Variants in USP40 observed in about 807,000 individuals in gnomAD.
The protein encoded by USP40 is ubiquitin specific peptidase 40.
USP40 carries 143 observed loss-of-function variants against 166.2 expected under a neutral mutation model. The ratio of observed to expected loss-of-function variants is 0.86; its 90% CI spans 0.75 to 0.99. The LOEUF is 0.99. Ranked by LOEUF, USP40 falls within the 50% of genes least tolerant of loss-of-function variation. The pLI, the probability that USP40 is intolerant of heterozygous loss-of-function variation, is 0.00. For missense variants in USP40, 1,444 were observed against 1,479.7 expected, an observed-to-expected ratio of 0.98 and a Z score of 0.40; for synonymous variants, 498 against 524.0, an observed-to-expected ratio of 0.95 and a Z score of 0.68.
Position 233,523,249 on chromosome 2 carries a change from C to A in USP40, c.2122G>T (p.Asp708Tyr). 1 of 1,613,998 alleles carries A rather than the reference C, an allele frequency of 6.2e-7. No homozygotes were observed. Among genetic ancestry groups the A allele is most frequent in the Non-Finnish European group, 8.5e-7 (1 of 1,179,874 alleles). ...TGCTCCCTGAACGTCTTCCTCATGTCTTCCTTGGGGATGGCCGTCCAACCC... is the reference window on the plus strand; with the variant it reads ...TGCTCCCTGAACGTCTTCCTCATGTATTCCTTGGGGATGGCCGTCCAACCC... Reference protein sequence around the residue: ...GEGWTAIPKEDMRKTFREQGL... With the variant: ...GEGWTAIPKEYMRKTFREQGL... The change falls in exon 16 of 32, where the codon GAC becomes TAC. Residue 708 changes from aspartate to tyrosine, a missense_variant. Asp to Tyr is a radical substitution (Grantham distance 160). Transcript: ENST00000678225.
At position 233,512,394 on chromosome 2, in the gene USP40, G is replaced by C. The variant is rs527293503; in HGVS notation, c.2437+175C>G. 8.0e-6 allele frequency: 3 copies of C among 374,816 alleles called. No individual in the cohort carries two copies. The Admixed American group carries it at 1.4e-4, about 17-fold the overall frequency. The allele number at this position is 374,816 out of a possible 1,614,324, so 23.2% of individuals were successfully genotyped here. On this transcript the variant is annotated intron_variant, in intron 19 of 31. Transcript: ENST00000678225. ...GGTGTTTCATTTAGAAAACAGAAGT[G>C]TTTGTTTCTGGTTAAGGATTTCTGC... is the stretch of plus-strand genomic sequence containing the variant.
chr2:233,494,660 A>C (rs1317024592), intron 24 of USP40, among the ~76,000 whole-genome samples: 1 of 151,666 alleles, frequency 6.6e-6, no homozygotes, highest in Non-Finnish European at 1.5e-5. Flanking sequence ...TAAGCCCAGG[A>C]GTTCAAGATC....
intron 8 of USP40, chr2:233,546,828 G>C (rs867774331): frequency 2.0e-5 from 3 of 152,176 alleles, no homozygotes; most frequent in South Asian, 2.1e-4. Flanking sequence ...TCTCTACTGT[G>C]GGAAACTAAA....
Position 233,510,123 on chromosome 2 carries a change from A to T in USP40, c.2539T>A (p.Phe847Ile). 1 of 1,602,294 alleles carries T rather than the reference A, an allele frequency of 6.2e-7. No homozygotes were observed. The highest frequency in any genetic ancestry group is 8.5e-7 in the Non-Finnish European group (1 of 1,173,626). The stretch of plus-strand genomic sequence containing the variant: ...GGTTGAACGTCACTCCCCATTGCAA[A>T]AAACAGGAACAACTAATAACAAGAC... ...APSSSQLFLF[F>I]AMGSDVQPGT... Residue 847 changes from phenylalanine (F) to isoleucine (I), a missense_variant, in exon 21 of 32, where the codon TTT becomes ATT. Phe to Ile is a conservative substitution (Grantham distance 21). Transcript: ENST00000678225.
chr2:233,485,893 C>T lies in USP40; in HGVS notation c.3282G>A (p.Ala1094=), dbSNP rs777215314. Residue 1094 remains alanine (A), a synonymous_variant, in exon 29 of 32, where the codon GCG becomes GCA. Coordinates refer to ENST00000678225, the MANE Select transcript of USP40 (RefSeq NM_001365479.2). ...GGGAGCCGGCAGTCCCACCCTGGGC[C>T]GCGTTCCACACCAGGTCCAGGGCAG... ...YAPALDLVWN[A]AQGGTAGSLR... 2.6e-5 allele frequency: 42 copies of T among 1,604,036 alleles called. No individual in the cohort carries two copies. Among genetic ancestry groups the T allele is most frequent in the South Asian group, 1.1e-4 (10 of 88,730 alleles).
At chr2:233,539,616 T>C (rs1249569954) in intron 10 of USP40, among the ~76,000 whole-genome samples, 2 of 151,976 alleles carry the variant, frequency 1.3e-5, no homozygotes, top group African/African-American at 4.8e-5. Flanking sequence ...TTCAACAATA[T>C]AACTATAATC....
chr2:233,547,845 T>C (rs1175458472), intron 8 of USP40, among the ~76,000 whole-genome samples: 3 of 152,226 alleles, frequency 2.0e-5, no homozygotes, highest in Admixed American at 2.0e-4. Flanking sequence ...CACACATGTG[T>C]ATCTGTGAGA....
At chr2:233,502,955 A>C (rs2066179426) in intron 21 of USP40, among the ~76,000 whole-genome samples, 1 of 152,088 alleles carries the variant, frequency 6.6e-6, no homozygotes. Flanking sequence ...CAACATAAGA[A>C]GACAAGAAAT....
intron 10 of USP40, among the ~76,000 whole-genome samples, chr2:233,534,298 G>A (rs1442103255): frequency 6.6e-6 from 1 of 152,146 alleles, no homozygotes; most frequent in African/African-American, 2.4e-5. Context: ...TCAAAGCATA[G>A]TAAGGGTTAA....
intron 2 of USP40, among the ~76,000 whole-genome samples, chr2:233,563,857 C>G (rs1024623402): frequency 1.3e-5 from 2 of 152,222 alleles, no homozygotes; most frequent in Admixed American, 1.3e-4. Flanking sequence ...GGAAGTTGGC[C>G]TGGGACTCTC....
At chr2:233,563,952 C>T (rs1041400348) in intron 2 of USP40, among the ~76,000 whole-genome samples, 1 of 152,214 alleles carries the variant, frequency 6.6e-6, no homozygotes, top group Non-Finnish European at 1.5e-5. Flanking sequence ...TACGTTTCTA[C>T]TTCGAGTTGT....
chr2:233,488,303 C>G lies in USP40; in HGVS notation c.3133G>C (p.Glu1045Gln). ...TCAATTCTCCGTCCTAGTTTATATT[C>G]CCTGATAATAAGTGAAACAAGATAA... ...LLRTDRQPLREYKLGRRIEIC... is the reference protein window; with the variant it reads ...LLRTDRQPLRQYKLGRRIEIC... Residue 1045 changes from glutamate to glutamine, a missense_variant and splice_region_variant, in exon 28 of 32, where the codon GAA (glutamate) becomes CAA (glutamine). By Grantham distance (29) the Glu-to-Gln change is conservative (BLOSUM62 2). Coordinates refer to ENST00000678225, the MANE Select transcript of USP40 (RefSeq NM_001365479.2). The G allele has an allele frequency of 6.3e-7, 1 of 1,594,820 alleles. No homozygotes were observed. The highest frequency in any genetic ancestry group is 8.6e-7 in the Non-Finnish European group (1 of 1,169,550).
intron 11 of USP40, among the ~76,000 whole-genome samples, chr2:233,532,420 G>A (rs543503370): frequency 2.6e-4 from 40 of 152,182 alleles, no homozygotes; most frequent in African/African-American, 9.4e-4. Flanking sequence ...GACTGATGGC[G>A]GGCTCCCAAT....
chr2:233,524,686 AATT>A (rs1316774523), intron 14 of USP40, 124 bp from the exon 15 acceptor site: 4 of 651,788 alleles, frequency 6.1e-6, no homozygotes. Flanking sequence ...AAAAAGTAGT[AATT>A]ATTTTTATTC....
At chr2:233,566,094 CT>C (rs915400217) in intron 1 of USP40, among the ~76,000 whole-genome samples, 12 of 140,458 alleles carry the variant, frequency 8.5e-5, no homozygotes, top group Non-Finnish European at 1.8e-4. Context: ...ATCAAGTTAA[CT>C]TTTTTTAGAG....
At chr2:233,554,033 C>G (rs2070824409) in intron 6 of USP40, among the ~76,000 whole-genome samples, 1 of 152,134 alleles carries the variant, frequency 6.6e-6, no homozygotes, top group African/African-American at 2.4e-5. Flanking sequence ...AGACAGCCAT[C>G]TACTTTCATA....
chr2:233,533,003 G>T (rs949100314), intron 11 of USP40, among the ~76,000 whole-genome samples: 4 of 151,526 alleles, frequency 2.6e-5, no homozygotes, highest in African/African-American at 9.7e-5. Flanking sequence ...GATATGAAAA[G>T]ATATAAATAA....
In USP40 at chr2:233,489,378, G is replaced by A. The variant is rs756167320; in HGVS notation, c.3118C>T (p.Arg1040Trp). The change falls in exon 27 of 32, where the codon CGG (arginine) becomes TGG (tryptophan). Residue 1040 changes from arginine to tryptophan, a missense_variant. Physicochemically the swap from Arg to Trp is moderately radical, Grantham distance 101 (BLOSUM62 -3). Coordinates refer to ENST00000678225, the MANE Select transcript of USP40 (RefSeq NM_001365479.2). ...CAAGGAACCTACCTGAGTGGCTGCCGGTCAGTTCGTAAAAGCCTGCCTGGG... is the reference window on the plus strand; with the variant it reads ...CAAGGAACCTACCTGAGTGGCTGCCAGTCAGTTCGTAAAAGCCTGCCTGGG... ...KRPGRLLRTDRQPLREYKLGR... is the reference protein window; with the variant it reads ...KRPGRLLRTDWQPLREYKLGR... 1.8e-5 allele frequency: 29 copies of A among 1,592,642 alleles called. No homozygotes were observed. The highest frequency in any genetic ancestry group is 2.3e-5 in the South Asian group (2 of 87,176).
chr2:233,508,078 T>A (rs1370791695), intron 21 of USP40, among the ~76,000 whole-genome samples: 1 of 152,186 alleles, frequency 6.6e-6, no homozygotes, highest in Admixed American at 6.5e-5. Flanking sequence ...TAACCCACTT[T>A]CCCTGCCCTT....
Sources: allele counts gnomAD v4.1 joint callset (sites outside exome capture counted in the v4.1 genomes callset), GRCh38; gene constraint gnomAD v4.1.1; transcripts MANE v1.5; gene names NCBI Gene and HGNC (gene_info 2026-07-23, HGNC 2026-07-21).